HDAC8: variants seen among roughly 807,000 people sequenced by gnomAD.
HDAC8 encodes the protein histone deacetylase 8.
A neutral mutation model predicts 32.2 loss-of-function variants in HDAC8; 1 was observed. That is an observed-to-expected ratio of 0.03 (90% CI 0.01 to 0.15). The LOEUF (loss-of-function observed/expected upper bound fraction) is 0.15, where lower values mean the gene tolerates loss of function less well. HDAC8 is among the 10% of genes least tolerant of loss of function. The pLI, the probability that HDAC8 is intolerant of heterozygous loss-of-function variation, is 1.00. For synonymous variants in HDAC8, 108 were observed against 113.9 expected, an observed-to-expected ratio of 0.95 and a Z score of 0.33; for missense variants, 117 against 300.0, an observed-to-expected ratio of 0.39 and a Z score of 4.51.
At chrX:72,464,454 G>A in intron 8 of HDAC8, 105 bp downstream of exon 8, 2 of 635,683 alleles carry the variant, frequency 3.1e-6, no homozygotes, top group Non-Finnish European at 5.4e-6. Flanking sequence ...CCTCAGGTAG[G>A]TTGGTATTAT....
chrX:72,465,295 G>T (rs1291147480), intron 7 of HDAC8, among the ~76,000 whole-genome samples: 3 of 111,689 alleles, frequency 2.7e-5, no homozygotes, highest in Non-Finnish European at 5.6e-5. Flanking sequence ...CCAGGGTATT[G>T]TAGGGAAGGT....
intron 7 of HDAC8, among the ~76,000 whole-genome samples, chrX:72,465,138 C>G (rs1281904014): frequency 9.0e-6 from 1 of 111,064 alleles, no homozygotes; most frequent in Non-Finnish European, 1.9e-5. Context: ...AGATGAGGAC[C>G]ATACTTGGAG....
intron 9 of HDAC8, among the ~76,000 whole-genome samples, chrX:72,443,899 T>C (rs1265028645): frequency 9.2e-6 from 1 of 109,252 alleles, no homozygotes; most frequent in Non-Finnish European, 1.9e-5. Flanking sequence ...CAGAGAATAC[T>C]ACAAACACCT....
At chrX:72,512,585 A>G (rs782393546) in intron 4 of HDAC8, among the ~76,000 whole-genome samples, 1 of 111,402 alleles carries the variant, frequency 9.0e-6, no homozygotes, top group South Asian at 3.9e-4. Context: ...CTCTATGTGA[A>G]GTAGGGGAAG....
chrX:72,363,516 T>G (rs1284074584), intron 9 of HDAC8, among the ~76,000 whole-genome samples: 1 of 111,364 alleles, frequency 9.0e-6, no homozygotes, highest in African/African-American at 3.3e-5. Context: ...CTTCAACACC[T>G]TGACCTCCTC....
intron 9 of HDAC8, among the ~76,000 whole-genome samples, chrX:72,383,232 A>C (rs1323286504): frequency 8.9e-6 from 1 of 112,359 alleles, no homozygotes; most frequent in Non-Finnish European, 1.9e-5. Context: ...AGATCCCCAG[A>C]TTCATGAATT....
At chrX:72,434,768 G>C (rs1479273853) in intron 9 of HDAC8, among the ~76,000 whole-genome samples, 1 of 111,538 alleles carries the variant, frequency 9.0e-6, no homozygotes, top group Non-Finnish European at 1.9e-5. Flanking sequence ...AATTTATTGA[G>C]TGCTTACTAT....
intron 9 of HDAC8, among the ~76,000 whole-genome samples, chrX:72,379,150 G>A (rs1214586841): frequency 2.7e-5 from 3 of 111,298 alleles, no homozygotes; most frequent in Non-Finnish European, 5.7e-5. Flanking sequence ...GAGCCACTAT[G>A]CCCGGCCACC....
intron 9 of HDAC8, among the ~76,000 whole-genome samples, chrX:72,442,819 C>T (rs1251882795): frequency 9.1e-6 from 1 of 110,476 alleles, no homozygotes; most frequent in Non-Finnish European, 1.9e-5. Flanking sequence ...CACATAGGCT[C>T]AAAATAAAAG....
chrX:72,568,056 G>A (rs1556139287), intron 3 of HDAC8, 26 bp from the exon 4 acceptor site: 1 of 1,182,926 alleles, frequency 8.5e-7, no homozygotes, highest in East Asian at 3.0e-5. Context: ...AGAAGAGCTG[G>A]TTAAAAGGTG....
intron 9 of HDAC8, among the ~76,000 whole-genome samples, chrX:72,403,938 C>G (rs1279358257): frequency 9.0e-6 from 1 of 110,941 alleles, no homozygotes; most frequent in Non-Finnish European, 1.9e-5. Context: ...GCAATATATC[C>G]AGGTAACAAA....
intron 9 of HDAC8, among the ~76,000 whole-genome samples, chrX:72,411,359 C>G (rs781884763): frequency 7.7e-4 from 86 of 112,064 alleles, no homozygotes; most frequent in Admixed American, 1.4e-3. Flanking sequence ...GTTCCCTCCG[C>G]CTGGAATGCA....
intron 10 of HDAC8, among the ~76,000 whole-genome samples, chrX:72,347,612 A>G (rs2044065210): frequency 9.0e-6 from 1 of 111,586 alleles, no homozygotes. Flanking sequence ...TCCTACCTCT[A>G]TCTGCATTTC....
chrX:72,475,815 A>AAACC (rs1166696343), intron 7 of HDAC8, among the ~76,000 whole-genome samples: 3 of 112,047 alleles, frequency 2.7e-5, no homozygotes, highest in East Asian at 2.8e-4. Context: ...TTAAACTCCC[A>AAACC]AACCAACCAA....
At chrX:72,441,378 C>A (rs782128762) in intron 9 of HDAC8, among the ~76,000 whole-genome samples, 1 of 111,999 alleles carries the variant, frequency 8.9e-6, no homozygotes, top group Admixed American at 9.4e-5. Context: ...TCGTGGTTCA[C>A]GAAAATCCAC....
intron 9 of HDAC8, among the ~76,000 whole-genome samples, chrX:72,398,918 T>C (rs1381092070): frequency 9.1e-6 from 1 of 109,912 alleles, no homozygotes; most frequent in African/African-American, 3.3e-5. Flanking sequence ...TCTTTGTGAG[T>C]AGGGAAGTTA....
chrX:72,394,090 A>G (rs2045690589), intron 9 of HDAC8, among the ~76,000 whole-genome samples: 1 of 111,695 alleles, frequency 9.0e-6, no homozygotes, highest in African/African-American at 3.3e-5. Context: ...GTGGGGAGTC[A>G]TCAGATATCT....
At chrX:72,371,964 G>A (rs1405959249) in intron 9 of HDAC8, among the ~76,000 whole-genome samples, 1 of 110,760 alleles carries the variant, frequency 9.0e-6, no homozygotes, top group Admixed American at 9.6e-5. Flanking sequence ...TAGGGTAAGG[G>A]GTTGGGGAAT....
At chrX:72,483,798 CAT>C (rs1213490738) in intron 7 of HDAC8, among the ~76,000 whole-genome samples, 1 of 111,579 alleles carries the variant, frequency 9.0e-6, no homozygotes, top group Non-Finnish European at 1.9e-5. Flanking sequence ...ATGCCATAAA[CAT>C]ATAATATAAA....
Sources: gnomAD v4.1 joint callset for allele counts (sites outside exome capture counted in the v4.1 genomes callset) on GRCh38, gnomAD v4.1.1 for gene constraint, MANE v1.5 for transcripts, NCBI Gene and HGNC (gene_info 2026-07-23, HGNC 2026-07-21) for gene names.